The following PLAA variants were observed in gnomAD, a reference collection of about 807,000 sequenced individuals.
PLAA encodes the protein phospholipase A-2-activating protein.
A neutral mutation model predicts 84.1 loss-of-function variants in PLAA; 48 were observed. The ratio of observed to expected loss-of-function variants is 0.57; its 90% confidence interval spans 0.45 to 0.73. The LOEUF is 0.73. Among genes scored for constraint, PLAA ranks in the 30% least tolerant of loss-of-function variants. The pLI is 0.00. For synonymous variants in PLAA, 392 were observed against 336.6 expected (o/e 1.16, Z -1.80); for missense variants, 903 against 954.7 (o/e 0.95, Z 0.71).
At chr9:26,914,622 A>G (rs149299611) in intron 10 of PLAA, among the ~76,000 whole-genome samples, 1 of 152,228 alleles carries the variant, frequency 6.6e-6, no homozygotes, top group Non-Finnish European at 1.5e-5. Flanking sequence ...TGAGAAACAC[A>G]GAATAAATGG....
At chr9:26,922,729 T>G (rs1392084135) in intron 7 of PLAA, among the ~76,000 whole-genome samples, 3 of 151,654 alleles carry the variant, frequency 2.0e-5, no homozygotes, top group African/African-American at 7.3e-5. Context: ...TGCAATGGTG[T>G]GGTGTCGGCT....
chr9:26,911,031 G>A (rs988113353), intron 11 of PLAA, among the ~76,000 whole-genome samples: 1 of 151,874 alleles, frequency 6.6e-6, no homozygotes. Context: ...AATCCCTGAA[G>A]GACAGGAGTC....
chr9:26,905,990 C>G lies in PLAA; in HGVS notation c.1909G>C (p.Ala637Pro), dbSNP rs952658923. Residue 637 changes from alanine to proline, a missense_variant, in exon 14 of 14, where the codon GCT becomes CCT. Coordinates refer to ENST00000397292, the MANE Select transcript of PLAA (RefSeq NM_001031689.3). ...TTGATAAGATGACTGCTGAACTGAG[C>G]CCCTTCCTTTTCATTGCAGAAGTTC... is the stretch of plus-strand genomic sequence containing the variant. Reference protein sequence around the residue: ...NENFCNEKEGAQFSSHLINLL... With the variant: ...NENFCNEKEGPQFSSHLINLL... The G allele has an allele frequency of 6.2e-7, 1 of 1,613,700 alleles. No homozygotes were observed. The highest frequency in any genetic ancestry group is 8.5e-7 in the Non-Finnish European group (1 of 1,179,778).
At chr9:26,915,279 A>T (rs992771505) in intron 10 of PLAA, among the ~76,000 whole-genome samples, 20 of 152,124 alleles carry the variant, frequency 1.3e-4, no homozygotes, top group African/African-American at 4.6e-4. Context: ...TCCTTGGGTG[A>T]GAGATCAGAG....
rs913799593 is a variant in PLAA, at chr9:26,905,424, C to CT, written c.*86dup. 9.5e-7 allele frequency: 1 copy of CT among 1,048,864 alleles called. No homozygotes were observed. The highest frequency in any genetic ancestry group is 1.4e-6 in the Non-Finnish European group (1 of 717,532). 65.0% of individuals were successfully genotyped at this position (1,048,864 alleles called of 1,614,324 possible). A position where few individuals can be genotyped will look rare whatever the true frequency, so the allele number is the denominator to read the frequency against. Reference sequence around the variant, plus strand: ...AATTTTACTTAATCCACCGTATTCTCTTTTTTTAATTATCTGTTATCAGTC... The same window carrying CT: ...AATTTTACTTAATCCACCGTATTCTCTTTTTTTTAATTATCTGTTATCAGTC... On this transcript the variant is annotated 3_prime_UTR_variant, in exon 14 of 14. Transcript: ENST00000397292.
At chr9:26,924,881 C>T (rs1824890442) in intron 6 of PLAA, among the ~76,000 whole-genome samples, 1 of 152,160 alleles carries the variant, frequency 6.6e-6, no homozygotes, top group African/African-American at 2.4e-5. Context: ...AGTTCTTATA[C>T]TAAGCTCCAG....
chr9:26,940,028 A>G (rs1259586036), intron 1 of PLAA, among the ~76,000 whole-genome samples: 4 of 152,210 alleles, frequency 2.6e-5, no homozygotes, highest in Non-Finnish European at 1.5e-5. Context: ...AAATAAATCA[A>G]CTAGAACTAA....
chr9:26,928,046 A>G (rs901503264), intron 4 of PLAA, 54 bp downstream of exon 4: 5 of 1,545,960 alleles, frequency 3.2e-6, no homozygotes, highest in East Asian at 2.3e-5. Context: ...GAGAAAAAAA[A>G]TCTGAGCAAA....
Position 26,904,214 on chromosome 9 carries a change from A to T in PLAA, c.*1297T>A, listed in dbSNP as rs565563782. On this transcript the variant is annotated 3_prime_UTR_variant, in exon 14 of 14. Transcript: ENST00000397292. ...AACCTTTCTTGCCCATTTGGGGAAC[A>T]ATTATTCTTCTAAGGCTATAATTTG... is the stretch of plus-strand genomic sequence containing the variant. 9.2e-5 allele frequency: 14 copies of T among 152,280 alleles called. No homozygotes were observed. The highest frequency in any genetic ancestry group is 3.1e-4 in the African/African-American group (13 of 41,568). The allele number at this position is 152,280 out of a possible 1,614,324, so 9.4% of individuals were successfully genotyped here. A position where few individuals can be genotyped will look rare whatever the true frequency, so the allele number is the denominator to read the frequency against.
chr9:26,947,027 T>A lies in PLAA; in HGVS notation c.19A>T (p.Arg7Trp), dbSNP rs2131442719. Residue 7 changes from arginine to tryptophan, a missense_variant, in exon 1 of 14, where the codon AGG becomes TGG. Coordinates refer to ENST00000397292, the MANE Select transcript of PLAA (RefSeq NM_001031689.3). MTSGATRYRLSCSLRGH... is the reference protein window; with the variant it reads MTSGATWYRLSCSLRGH... ...CGGAGCGAGCAGCTCAGCCGGTACC[T>A]GGTTGCGCCGCTCGTCATGGCCAGT... The A allele has an allele frequency of 6.3e-7, 1 of 1,587,652 alleles. No homozygotes were observed. The highest frequency in any genetic ancestry group is 8.6e-7 in the Non-Finnish European group (1 of 1,167,708).
chr9:26,908,167 C>CTT (rs375603485), intron 12 of PLAA, among the ~76,000 whole-genome samples, 169 bp from the exon 13 acceptor site: 33 of 135,030 alleles, frequency 2.4e-4, no homozygotes, highest in African/African-American at 3.6e-4. Flanking sequence ...TGAGCTTTGT[C>CTT]TTTTTTTTTT....
chr9:26,935,757 T>TA (rs1587186071), intron 1 of PLAA, among the ~76,000 whole-genome samples: 1 of 151,930 alleles, frequency 6.6e-6, no homozygotes, highest in East Asian at 1.9e-4. Flanking sequence ...GAGCCACGCA[T>TA]AAAATATACT....
chr9:26,924,781 T>A (rs1208029815), intron 6 of PLAA, among the ~76,000 whole-genome samples: 1 of 152,204 alleles, frequency 6.6e-6, no homozygotes, highest in Non-Finnish European at 1.5e-5. Context: ...TAGTTCTTAG[T>A]CTTCTGTTCC....
chr9:26,905,323 C>T lies in PLAA; in HGVS notation c.*188G>A, dbSNP rs1433875391. On this transcript the variant is annotated 3_prime_UTR_variant, in exon 14 of 14. Coordinates refer to ENST00000397292, the MANE Select transcript of PLAA (RefSeq NM_001031689.3). ...CACTCTTGAAAATCTACCCAAATTA[C>T]ACAGGAAAATCTCACAGTTCAGCAG... The T allele has an allele frequency of 1.1e-5, 6 of 545,748 alleles. No individual in the cohort carries two copies. The highest frequency in any genetic ancestry group is 1.6e-5 in the Non-Finnish European group (5 of 310,902). 33.8% of individuals were successfully genotyped at this position (545,748 alleles called of 1,614,324 possible). A position where few individuals can be genotyped will look rare whatever the true frequency, so the allele number is the denominator to read the frequency against.
rs1563924980 is a variant in PLAA, at chr9:26,947,078, CA to C, written c.-34del. The C allele has an allele frequency of 4.5e-6, 7 of 1,539,422 alleles. No homozygotes were observed. In the South Asian group the frequency reaches 8.7e-5, roughly 19 times the overall value. On this transcript the variant is annotated 5_prime_UTR_variant, in exon 1 of 14. Coordinates refer to ENST00000397292, the MANE Select transcript of PLAA (RefSeq NM_001031689.3). ...GTCTGTCTGGCGCCCGGTGCCCAGG[CA>C]CTGTGCGAGACCAGTCCGCAGGGGC...
At position 26,941,759 on chromosome 9, in the gene PLAA, G is replaced by GAA. The variant is rs60262413; in HGVS notation, c.149+5136_149+5137dup. On this transcript the variant is annotated intron_variant, in intron 1 of 13. Transcript: ENST00000397292. ...GCAACCTGCTAGAGATTACAGCCAA[G>GAA]AAAAAAAAAAAAGAGAGAAATTTAG... 7.6e-3 allele frequency among the ~76,000 whole-genome samples: 1,028 copies of GAA among 135,826 alleles called. 13 individuals carry two copies. Among genetic ancestry groups the GAA allele is most frequent in the African/African-American group, 0.025 (950 of 37,744 alleles). The allele number at this position is 135,826 out of a possible 152,430, so 89.1% of individuals were successfully genotyped here. A position where few individuals can be genotyped will look rare whatever the true frequency, so the allele number is the denominator to read the frequency against.
In PLAA at chr9:26,920,379, T is replaced by C; in HGVS notation, c.1045A>G (p.Arg349Gly). Reference sequence around the variant, plus strand: ...CTGATTAGACGAGTCTGTCCTTCTCTAGTACCTTAAAATAAAAATTTTAAG... The same window carrying C: ...CTGATTAGACGAGTCTGTCCTTCTCCAGTACCTTAAAATAAAAATTTTAAG... The part of the protein sequence containing the change: ...GREHLNEPGT[R>G]EGQTRLIRDG... Residue 349 changes from arginine to glycine, a missense_variant, in exon 8 of 14, where the codon AGA (arginine) becomes GGA (glycine). Arg to Gly is a moderately radical substitution (Grantham distance 125). Coordinates refer to ENST00000397292, the MANE Select transcript of PLAA (RefSeq NM_001031689.3). 10 of 1,584,610 alleles carry C rather than the reference T, an allele frequency of 6.3e-6. No homozygotes were observed. The highest frequency in any genetic ancestry group is 1.3e-5 in the African/African-American group (1 of 74,206).
At chr9:26,907,086 A>C (rs1238384737) in intron 13 of PLAA, among the ~76,000 whole-genome samples, 1 of 152,116 alleles carries the variant, frequency 6.6e-6, no homozygotes, top group African/African-American at 2.4e-5. Context: ...GGCATAAAAA[A>C]AAATAACAGG....
chr9:26,943,456 T>C (rs1351784684), intron 1 of PLAA, among the ~76,000 whole-genome samples: 5 of 152,114 alleles, frequency 3.3e-5, no homozygotes, highest in African/African-American at 1.2e-4. Context: ...GGTAAATTCA[T>C]TTGCATCAGA....
Sources: gnomAD v4.1 joint callset for allele counts (sites outside exome capture counted in the v4.1 genomes callset) on GRCh38, gnomAD v4.1.1 for gene constraint, MANE v1.5 for transcripts, NCBI Gene and HGNC (gene_info 2026-07-23, HGNC 2026-07-21) for gene names.